The following ESYT2 variants were observed in gnomAD, a reference collection of about 807,000 sequenced individuals.
ESYT2 encodes the protein extended synaptotagmin-2.
ESYT2 carries 54 observed loss-of-function variants against 107.2 expected under a neutral mutation model. That is an observed-to-expected ratio of 0.50 (90% confidence interval 0.40 to 0.63). The LOEUF is 0.63. Ranked by LOEUF, ESYT2 falls within the 30% of genes least tolerant of loss-of-function variation. The pLI is 0.00. For missense variants in ESYT2, 1,020 were observed against 1,094.5 expected (o/e 0.93, Z 0.96); for synonymous variants, 491 against 434.1 (o/e 1.13, Z -1.63).
At chr7:158,738,164 T>A (rs1343531995) in intron 19 of ESYT2, among the ~76,000 whole-genome samples, 1 of 151,838 alleles carries the variant, frequency 6.6e-6, no homozygotes, top group Non-Finnish European at 1.5e-5. Flanking sequence ...AAATACAAGT[T>A]AGTCGGACGA....
chr7:158,805,306 C>G (rs1040017927), intron 1 of ESYT2, among the ~76,000 whole-genome samples: 2 of 152,194 alleles, frequency 1.3e-5, no homozygotes, highest in African/African-American at 4.8e-5. Context: ...TTCATGGAAA[C>G]TGAAAAAGCA....
intron 10 of ESYT2, among the ~76,000 whole-genome samples, chr7:158,762,478 T>C (rs1450129930): frequency 6.6e-6 from 1 of 152,236 alleles, no homozygotes; most frequent in African/African-American, 2.4e-5. Context: ...ATGTATTCTA[T>C]CCCTACATCT....
intron 6 of ESYT2, among the ~76,000 whole-genome samples, chr7:158,782,720 G>T (rs1838954209): frequency 6.6e-6 from 1 of 152,226 alleles, no homozygotes; most frequent in Non-Finnish European, 1.5e-5. Flanking sequence ...GAGAACAAGT[G>T]TGAGAATGAG....
At chr7:158,800,259 G>A (rs1354122530) in intron 1 of ESYT2, among the ~76,000 whole-genome samples, 2 of 152,048 alleles carry the variant, frequency 1.3e-5, no homozygotes, top group African/African-American at 4.8e-5. Flanking sequence ...ATGTTGGCCA[G>A]GATGGTCTCG....
intron 1 of ESYT2, among the ~76,000 whole-genome samples, chr7:158,819,691 C>A (rs1343796080): frequency 2.0e-5 from 3 of 152,166 alleles, no homozygotes; most frequent in Non-Finnish European, 4.4e-5. Context: ...AAAGCTTATT[C>A]TTCAATGAGC....
chr7:158,748,365 AAAAT>A, intron 15 of ESYT2, 85 bp from the exon 16 acceptor site: 1 of 1,097,900 alleles, frequency 9.1e-7, no homozygotes. Context: ...CTTAGAATGA[AAAAT>A]AAAAAGAAAA....
At chr7:158,815,084 A>G (rs1840112328) in intron 1 of ESYT2, among the ~76,000 whole-genome samples, 1 of 152,200 alleles carries the variant, frequency 6.6e-6, no homozygotes, top group Admixed American at 6.5e-5. Flanking sequence ...AATGACTTCC[A>G]TGTAAAGAGT....
In ESYT2 at chr7:158,797,551, A is replaced by T. The variant is rs545857783; in HGVS notation, c.507+391T>A. On this transcript the variant is annotated intron_variant, in intron 3 of 22. Transcript: ENST00000275418. ...GTGAGGCCCCGTCTGAAAAAAAAAA[A>T]TTTAAAAGAAAATGTGTTTTTCGGC... Among the ~76,000 whole-genome samples the T allele has an allele frequency of 1.3e-3, 205 of 152,190 alleles. 1 individual carries two copies. Among genetic ancestry groups the T allele is most frequent in the South Asian group, 0.011 (54 of 4,824 alleles).
chr7:158,828,967 G>C (rs1411005301), intron 1 of ESYT2, 122 bp downstream of exon 1: 7 of 1,413,346 alleles, frequency 5.0e-6, no homozygotes, highest in Non-Finnish European at 6.4e-6. Flanking sequence ...GGCGGGAGCC[G>C]GGGCAGGGCT....
intron 9 of ESYT2, among the ~76,000 whole-genome samples, chr7:158,763,976 G>A (rs1451671493): frequency 6.6e-6 from 1 of 152,182 alleles, no homozygotes; most frequent in Non-Finnish European, 1.5e-5. Context: ...CCGTACGACT[G>A]TTCTGAAGGG....
intron 4 of ESYT2, 29 bp downstream of exon 4, chr7:158,793,621 T>G (rs768559299): frequency 9.2e-6 from 14 of 1,529,590 alleles, no homozygotes; most frequent in Non-Finnish European, 1.3e-5. Context: ...CCATTAACCA[T>G]AACACAAATA....
At chr7:158,796,112 C>T (rs2878797) in intron 3 of ESYT2, among the ~76,000 whole-genome samples, 19,649 of 152,196 alleles carry the variant, frequency 0.13, 1,917 homozygotes, top group East Asian at 0.43. Context: ...AACCCTGAAC[C>T]GCACTGCACG....
At chr7:158,750,953 A>G (rs1369729714) in intron 14 of ESYT2, among the ~76,000 whole-genome samples, 1 of 152,206 alleles carries the variant, frequency 6.6e-6, no homozygotes, top group African/African-American at 2.4e-5. Context: ...TGCTACTTCT[A>G]AGTCAGTTCT....
At chr7:158,743,221 T>C (rs1199486734) in intron 17 of ESYT2, among the ~76,000 whole-genome samples, 1 of 152,204 alleles carries the variant, frequency 6.6e-6, no homozygotes, top group Non-Finnish European at 1.5e-5. Flanking sequence ...AGTAACACTT[T>C]CTGGGCCAAA....
At position 158,764,833 on chromosome 7, in the gene ESYT2, A is replaced by T. The variant is rs1305692792; in HGVS notation, c.945T>A (p.Phe315Leu). 7 of 1,614,028 alleles carry T rather than the reference A, an allele frequency of 4.3e-6. No homozygotes were observed. In the Admixed American group the frequency reaches 1.2e-4, roughly 27 times the overall value. ...TCCCCTGAAGATCCTGAGCTTCAAT[A>T]AAATGTATCCTTAGAACACCCTGAA... ...PVPKGVLRIH[F>L]IEAQDLQGKD... Residue 315 changes from phenylalanine (F) to leucine (L), a missense_variant, in exon 9 of 23, where the codon TTT becomes TTA. Coordinates refer to ENST00000275418, the MANE Select transcript of ESYT2 (RefSeq NM_001367773.1).
intron 1 of ESYT2, among the ~76,000 whole-genome samples, chr7:158,804,494 G>T (rs187734887): frequency 6.7e-6 from 1 of 148,776 alleles, no homozygotes; most frequent in East Asian, 2.0e-4. Flanking sequence ...TGAGGCGCGT[G>T]ACAAACCCAA....
At chr7:158,744,004 G>A in intron 16 of ESYT2, 1 of 218,946 alleles carries the variant, frequency 4.6e-6, no homozygotes, top group South Asian at 6.8e-5. Context: ...AACCTGGGAG[G>A]AGGCGGCTGC....
chr7:158,760,069 T>C lies in ESYT2; in HGVS notation c.1312A>G (p.Asn438Asp). The change falls in exon 12 of 23, where the codon AAC becomes GAC. Residue 438 changes from asparagine (N) to aspartate (D), a missense_variant. Physicochemically the swap from Asn to Asp is conservative, Grantham distance 23. Coordinates refer to ENST00000275418, the MANE Select transcript of ESYT2 (RefSeq NM_001367773.1). ...EWLTLMPNASNLDKVLTDIKA... is the reference protein window; with the variant it reads ...EWLTLMPNASDLDKVLTDIKA... ...TGCTTCAACAGCACCTTGTCGAGGT[T>C]TGACGCATTTGGCATTAACGTGAGC... 2.5e-6 allele frequency: 4 copies of C among 1,614,248 alleles called. No homozygotes were observed. The highest frequency in any genetic ancestry group is 2.2e-5 in the South Asian group (2 of 91,080).
intron 1 of ESYT2, among the ~76,000 whole-genome samples, chr7:158,814,383 A>C (rs1229070635): frequency 6.7e-6 from 1 of 148,192 alleles, no homozygotes; most frequent in Non-Finnish European, 1.5e-5. Context: ...TGACTCTCAC[A>C]GATCAAAAAC....
Sources: allele counts gnomAD v4.1 joint callset (sites outside exome capture counted in the v4.1 genomes callset), GRCh38; gene constraint gnomAD v4.1.1; transcripts MANE v1.5; gene names NCBI Gene and HGNC (gene_info 2026-07-23, HGNC 2026-07-21).